Variants in RGPD8 observed in about 807,000 individuals in gnomAD.
The protein encoded by RGPD8 is RANBP2 like and GRIP domain containing 8.
A neutral mutation model predicts 89.1 loss-of-function variants in RGPD8; 15 were observed. That is an observed-to-expected ratio of 0.17 (90% CI 0.11 to 0.26). The LOEUF (loss-of-function observed/expected upper bound fraction) is 0.26, where lower values mean the gene tolerates loss of function less well. Ranked by LOEUF, RGPD8 falls within the 10% of genes least tolerant of loss-of-function variation. The pLI, the probability that RGPD8 is intolerant of heterozygous loss-of-function variation, is 1.00. For synonymous variants in RGPD8, 62 were observed against 420.9 expected, an observed-to-expected ratio of 0.15 and a Z score of 10.44; for missense variants, 178 against 1,179.6, an observed-to-expected ratio of 0.15 and a Z score of 12.44.
chr2:112,416,960 A>G (rs1679436993), intron 6 of RGPD8, among the ~76,000 whole-genome samples: 1 of 144,136 alleles, frequency 6.9e-6, no homozygotes, highest in African/African-American at 2.8e-5. Context: ...GGCTAATTTT[A>G]ATCAAGCTTG....
At chr2:112,385,306 AG>A (rs1678430991) in intron 20 of RGPD8, among the ~76,000 whole-genome samples, 6 of 150,686 alleles carry the variant, frequency 4.0e-5, no homozygotes, top group South Asian at 2.1e-4. Flanking sequence ...ATCAATGCAA[AG>A]GGCAAAAAAT....
At chr2:112,391,112 T>C (rs750389437) in intron 18 of RGPD8, 43 bp from the exon 19 acceptor site, 1 of 1,563,252 alleles carries the variant, frequency 6.4e-7, no homozygotes, top group African/African-American at 1.4e-5. Flanking sequence ...TGTTAAAGTC[T>C]ATACTACAGT....
Position 112,425,405 on chromosome 2 carries a change from A to G in RGPD8, c.73-1098T>C, listed in dbSNP as rs916353009. Among the ~76,000 whole-genome samples, 232 of 152,084 alleles carry G rather than the reference A, an allele frequency of 1.5e-3. 1 individual carries two copies. Among genetic ancestry groups the G allele is most frequent in the African/African-American group, 5.4e-3 (225 of 41,444 alleles). ...GCAGAAATAAATATTGAATTCTTCA[A>G]GTAATAAACGAGGTCCACAGCCTGG... On this transcript the variant is annotated intron_variant, in intron 1 of 22. Transcript: ENST00000302558.
intron 1 of RGPD8, among the ~76,000 whole-genome samples, chr2:112,431,491 C>T (rs1223991333): frequency 1.3e-5 from 2 of 152,164 alleles, no homozygotes; most frequent in Non-Finnish European, 1.5e-5. Context: ...TGCTGCACTA[C>T]CCATTTGACC....
intron 1 of RGPD8, chr2:112,432,632 T>C: frequency 1.0e-6 from 1 of 984,160 alleles, no homozygotes; most frequent in Non-Finnish European, 1.2e-6. Context: ...GCATATAAAG[T>C]AAATGTCCAG....
chr2:112,429,415 C>CAAAAAAA (rs71412832), intron 1 of RGPD8, among the ~76,000 whole-genome samples: 15 of 45,682 alleles, frequency 3.3e-4, no homozygotes, highest in Admixed American at 5.2e-4. Flanking sequence ...GACTCCGTCT[C>CAAAAAAA]AAAAAAAAAA....
intron 9 of RGPD8, among the ~76,000 whole-genome samples, chr2:112,402,533 G>GAAAAGAAAAC (rs1172989175): frequency 6.6e-6 from 1 of 150,750 alleles, no homozygotes; most frequent in Non-Finnish European, 1.5e-5. Context: ...GAAAAGAAAA[G>GAAAAGAAAAC]GTTATGCGCT....
At chr2:112,415,339 C>G (rs1397699422) in intron 6 of RGPD8, among the ~76,000 whole-genome samples, 3 of 152,208 alleles carry the variant, frequency 2.0e-5, no homozygotes, top group South Asian at 4.1e-4. Flanking sequence ...TAACAAAGGG[C>G]CCATGAGGCC....
intron 20 of RGPD8, chr2:112,384,646 G>GT (rs1383473223): frequency 6.6e-5 from 27 of 407,350 alleles, no homozygotes; most frequent in African/African-American, 5.0e-4. Context: ...GAATCTTCAG[G>GT]TTTTTTCTTC....
chr2:112,370,352 G>T lies in RGPD8; in HGVS notation c.5264-140C>A. The T allele has an allele frequency of 7.6e-6, 4 of 529,666 alleles. No homozygotes were observed. In the South Asian group the frequency reaches 1.1e-4, roughly 14 times the overall value. 32.8% of individuals were successfully genotyped at this position (529,666 alleles called of 1,614,324 possible). A position where few individuals can be genotyped will look rare whatever the true frequency, so the allele number is the denominator to read the frequency against. On this transcript the variant is annotated intron_variant, in intron 22 of 22. Transcript: ENST00000302558. The stretch of plus-strand genomic sequence containing the variant: ...CTGATCACATGCCTTTTTTGGTGGG[G>T]GGGGGGGTTCTTTTTTTTTTTTTTT...
chr2:112,370,359 G>GGGGTCTTT, intron 22 of RGPD8, 147 bp from the exon 23 acceptor site: 1 of 100,756 alleles, frequency 9.9e-6, no homozygotes, highest in Middle Eastern at 4.5e-3. Context: ...GGGGGGGGGG[G>GGGGTCTTT]TTCTTTTTTT....
At chr2:112,414,485 A>G (rs1679305574) in intron 6 of RGPD8, among the ~76,000 whole-genome samples, 1 of 125,736 alleles carries the variant, frequency 8.0e-6, no homozygotes, top group Non-Finnish European at 1.6e-5. Flanking sequence ...CTCAAAAAAA[A>G]AAAAAAAAAG....
intron 7 of RGPD8, among the ~76,000 whole-genome samples, chr2:112,410,131 CA>C (rs1679108638): frequency 8.9e-6 from 1 of 112,324 alleles, no homozygotes; most frequent in Non-Finnish European, 1.8e-5. Flanking sequence ...ACTGAAAATA[CA>C]AAAAAATTAG....
At chr2:112,422,794 C>T in intron 2 of RGPD8, 135 bp from the exon 3 acceptor site, 1 of 538,430 alleles carries the variant, frequency 1.9e-6, no homozygotes, top group Non-Finnish European at 3.0e-6. Flanking sequence ...ACTATTTATG[C>T]AGATAACTCA....
rs895009166 is a variant in RGPD8 at position 112,376,186 on chromosome 2, CTT to C, written c.5263+1865_5263+1866del. ...TGCCTGCTCAATTTTGAGGATGACT[CTT>C]ATCAGTTTAGTTATTAGGGTTTACA... On this transcript the variant is annotated intron_variant, in intron 22 of 22. Transcript: ENST00000302558. 3.5e-5 allele frequency among the ~76,000 whole-genome samples: 3 copies of C among 85,000 alleles called. 1 individual carries two copies. Among genetic ancestry groups the C allele is most frequent in the African/African-American group, 1.2e-4 (3 of 24,906 alleles). The allele number at this position is 85,000 out of a possible 152,430, so 55.8% of individuals were successfully genotyped here.
chr2:112,430,570 T>G (rs1679984574), intron 1 of RGPD8, among the ~76,000 whole-genome samples: 1 of 152,148 alleles, frequency 6.6e-6, no homozygotes, highest in Non-Finnish European at 1.5e-5. Flanking sequence ...TTCTGACTTC[T>G]GTCTAGACCA....
chr2:112,420,151 C>A (rs1679524243), intron 4 of RGPD8, among the ~76,000 whole-genome samples: 2 of 107,262 alleles, frequency 1.9e-5, no homozygotes, highest in African/African-American at 3.8e-5. Flanking sequence ...GCATGGGCAA[C>A]AGAGCAAGAC....
chr2:112,429,415 C>CAAAAAAAAAAAAAAAA (rs71412832), intron 1 of RGPD8, among the ~76,000 whole-genome samples: 46 of 45,442 alleles, frequency 1.0e-3, no homozygotes, highest in Admixed American at 1.3e-3. Context: ...GACTCCGTCT[C>CAAAAAAAAAAAAAAAA]AAAAAAAAAA....
At chr2:112,411,570 C>CAA (rs1190383425) in intron 7 of RGPD8, among the ~76,000 whole-genome samples, 56 of 1,586 alleles carry the variant, frequency 0.035, 13 homozygotes, top group Non-Finnish European at 0.041. Flanking sequence ...GACTGCGTCT[C>CAA]AAAAAAAAAA....
Sources: gnomAD v4.1 joint callset for allele counts (sites outside exome capture counted in the v4.1 genomes callset) on GRCh38, gnomAD v4.1.1 for gene constraint, MANE v1.5 for transcripts, NCBI Gene and HGNC (gene_info 2026-07-23, HGNC 2026-07-21) for gene names.